The following SOX5 variants were observed in gnomAD, a reference collection of about 807,000 sequenced individuals.
SOX5 encodes SRY-box transcription factor 5.
Under a neutral mutation model 92.0 loss-of-function variants are expected in SOX5, and 9 were observed. The observed-to-expected ratio is 0.10, with a 90% CI of 0.06 to 0.17. The LOEUF is 0.17. SOX5 is among the 10% of genes least tolerant of loss of function. SOX5 has a pLI of 1.00. For missense variants in SOX5, 642 were observed against 944.5 expected (o/e 0.68, Z 4.20); for synonymous variants, 344 against 336.3 (o/e 1.02, Z -0.25).
chr12:23,763,858 T>C (rs765459378), intron 3 of SOX5, among the ~76,000 whole-genome samples: 5 of 152,116 alleles, frequency 3.3e-5, no homozygotes, highest in South Asian at 2.1e-4. Context: ...CTGTCCTTTA[T>C]CATGGCTAAC....
chr12:24,060,269 C>T lies in SOX5; in HGVS notation c.-2+153074G>A, dbSNP rs145360237. Among the ~76,000 whole-genome samples the T allele has an allele frequency of 3.0e-3, 452 of 152,228 alleles. 5 individuals carry two copies. The highest frequency in any genetic ancestry group is 0.011 in the African/African-American group (440 of 41,554). ...AATTATTATCCCATTTTATGGATAA[C>T]AAAACTGAGGCTTGAAAAGATTACA... On this transcript the variant is annotated intron_variant, in intron 4 of 4. Transcript: ENST00000446891.
intron 8 of SOX5, among the ~76,000 whole-genome samples, chr12:23,614,462 T>C (rs2076318321): frequency 6.6e-6 from 1 of 152,226 alleles, no homozygotes; most frequent in East Asian, 1.9e-4. Flanking sequence ...GTAACATTTT[T>C]GAACTCTCTC....
At chr12:23,985,591 A>C (rs2136207399) in intron 4 of SOX5, among the ~76,000 whole-genome samples, 1 of 152,312 alleles carries the variant, frequency 6.6e-6, no homozygotes, top group South Asian at 2.1e-4. Context: ...AGAAATAACA[A>C]TGCTAAGTGA....
intron 1 of SOX5, among the ~76,000 whole-genome samples, chr12:24,526,100 G>C (rs1263473761): frequency 6.6e-6 from 1 of 151,950 alleles, no homozygotes; most frequent in Non-Finnish European, 1.5e-5. Context: ...CATACTCCTC[G>C]GCCTCCCAAA....
At chr12:24,173,592 G>A (rs925789197) in intron 4 of SOX5, among the ~76,000 whole-genome samples, 2 of 152,178 alleles carry the variant, frequency 1.3e-5, no homozygotes, top group African/African-American at 4.8e-5. Context: ...GCAACATGGT[G>A]AGGTTAAGAG....
chr12:24,009,111 C>T (rs1483136531), intron 4 of SOX5, among the ~76,000 whole-genome samples: 2 of 152,100 alleles, frequency 1.3e-5, no homozygotes, highest in Non-Finnish European at 2.9e-5. Flanking sequence ...GCCATATAAG[C>T]GAAGAAGCTA....
At chr12:23,794,776 T>C (rs1395211661) in intron 3 of SOX5, among the ~76,000 whole-genome samples, 3 of 152,144 alleles carry the variant, frequency 2.0e-5, no homozygotes, top group Non-Finnish European at 4.4e-5. Context: ...CTGATTACCT[T>C]AGGACTAGTT....
intron 4 of SOX5, among the ~76,000 whole-genome samples, chr12:23,753,209 C>G (rs2094237917): frequency 6.6e-6 from 1 of 151,628 alleles, no homozygotes; most frequent in Non-Finnish European, 1.5e-5. Context: ...TCTCTAAACC[C>G]TTCCAAGCTA....
chr12:24,149,236 T>C (rs966510304), intron 4 of SOX5, among the ~76,000 whole-genome samples: 1 of 152,032 alleles, frequency 6.6e-6, no homozygotes, highest in Non-Finnish European at 1.5e-5. Context: ...TCATCAAAAA[T>C]TGTCAAAAGA....
At chr12:24,405,922 AC>A (rs1596340796) in intron 1 of SOX5, among the ~76,000 whole-genome samples, 1 of 152,058 alleles carries the variant, frequency 6.6e-6, no homozygotes, top group African/African-American at 2.4e-5. Context: ...TTTCCCTGAG[AC>A]AGAGACAGAA....
intron 2 of SOX5, among the ~76,000 whole-genome samples, chr12:23,888,305 T>A (rs929990320): frequency 6.6e-6 from 1 of 152,182 alleles, no homozygotes; most frequent in Non-Finnish European, 1.5e-5. Context: ...TACCACGGCA[T>A]TGGAAGCTCT....
chr12:24,545,507 A>G lies in SOX5; in HGVS notation c.-251+16822T>C, dbSNP rs75539035. On this transcript the variant is annotated intron_variant, in intron 1 of 4. Coordinates refer to the SOX5 transcript ENST00000446891. ...AGGGGTTTAAAAAGGTTTTCTTCTC[A>G]AAAAAAAAAATCGACAGATTTTCAA... 5.2e-3 allele frequency among the ~76,000 whole-genome samples: 764 copies of G among 147,144 alleles called. 3 individuals carry two copies. The highest frequency in any genetic ancestry group is 0.018 in the African/African-American group (720 of 40,024).
chr12:24,308,607 T>A (rs1948855594), intron 2 of SOX5, among the ~76,000 whole-genome samples: 1 of 152,206 alleles, frequency 6.6e-6, no homozygotes, highest in South Asian at 2.1e-4. Flanking sequence ...ACTAGACTGA[T>A]GTCCTATCAA....
intron 4 of SOX5, among the ~76,000 whole-genome samples, chr12:23,992,200 G>A (rs1158972281): frequency 6.6e-6 from 1 of 151,960 alleles, no homozygotes; most frequent in Non-Finnish European, 1.5e-5. Flanking sequence ...CACCCTTAAA[G>A]GAAGTTGGTC....
chr12:24,321,182 G>T (rs1246702737), intron 2 of SOX5, among the ~76,000 whole-genome samples: 2 of 152,160 alleles, frequency 1.3e-5, no homozygotes, highest in African/African-American at 2.4e-5. Flanking sequence ...TTCATCTATG[G>T]ATTAAAAATG....
chr12:23,709,703 A>G (rs2091844494), intron 6 of SOX5, among the ~76,000 whole-genome samples: 2 of 152,292 alleles, frequency 1.3e-5, no homozygotes, highest in Admixed American at 6.5e-5. Flanking sequence ...CCTACTGGTT[A>G]GGAGGTTGTG....
intron 1 of SOX5, among the ~76,000 whole-genome samples, chr12:24,474,572 G>A (rs575467506): frequency 6.6e-6 from 1 of 152,270 alleles, no homozygotes; most frequent in South Asian, 2.1e-4. Flanking sequence ...GTCTAGCTCT[G>A]TCACCCAGGC....
chr12:24,172,393 G>C (rs1954301652), intron 4 of SOX5, among the ~76,000 whole-genome samples: 1 of 152,010 alleles, frequency 6.6e-6, no homozygotes, highest in South Asian at 2.1e-4. Flanking sequence ...ACAAAAATAA[G>C]CCGGGCATGG....
chr12:23,943,925 A>C (rs1487675482), intron 1 of SOX5, among the ~76,000 whole-genome samples: 2 of 152,124 alleles, frequency 1.3e-5, no homozygotes, highest in Non-Finnish European at 2.9e-5. Context: ...AAAAGAAACA[A>C]AAAACGCATG....
Sources: allele counts gnomAD v4.1 joint callset (sites outside exome capture counted in the v4.1 genomes callset), GRCh38; gene constraint gnomAD v4.1.1; transcripts MANE v1.5; gene names NCBI Gene and HGNC (gene_info 2026-07-23, HGNC 2026-07-21).